The following RIPK1 variants were observed in gnomAD, a reference collection of about 807,000 sequenced individuals.
RIPK1 encodes the protein receptor-interacting serine/threonine-protein kinase 1.
A neutral mutation model predicts 62.4 loss-of-function variants in RIPK1; 27 were observed. The observed-to-expected ratio is 0.43, with a 90% CI of 0.32 to 0.60. The LOEUF is 0.60. RIPK1 is among the 20% of genes least tolerant of loss of function. The pLI, the probability that RIPK1 is intolerant of heterozygous loss-of-function variation, is 0.07. For missense variants in RIPK1, 735 were observed against 831.0 expected, an observed-to-expected ratio of 0.88 and a Z score of 1.42; for synonymous variants, 287 against 303.2, an observed-to-expected ratio of 0.95 and a Z score of 0.55.
At chr6:3,082,964 C>G (rs572371230) in intron 4 of RIPK1, 121 bp from the exon 5 acceptor site, 1 of 893,728 alleles carries the variant, frequency 1.1e-6, no homozygotes, top group East Asian at 2.4e-5. Context: ...CTGCCCAGTG[C>G]AACCATTTCT....
rs371760083 is a variant in RIPK1 at position 3,105,523 on chromosome 6, G to T, written c.1048G>T (p.Gly350Trp). Residue 350 changes from glycine to tryptophan, a missense_variant, in exon 9 of 11, where the codon GGG becomes TGG. Transcript: ENST00000259808. This position sits in a 1 kb window ranked among gnomAD's most constrained non-coding sequence, Gnocchi z 4.5. ...TTCACTGCACAGTTCCCAGGGACTT[G>T]GGATGGGTCCTGTGGAGGAGTCCTG... is the stretch of plus-strand genomic sequence containing the variant. ...PGSLHSSQGL[G>W]MGPVEESWFA... 1.9e-6 allele frequency: 3 copies of T among 1,587,638 alleles called. No individual in the cohort carries two copies. In the African/African-American group the frequency reaches 4.1e-5, roughly 22 times the overall value.
At position 3,083,217 on chromosome 6, in the gene RIPK1, C is replaced by G. The variant is rs757632778; in HGVS notation, c.592C>G (p.Leu198Val). The G allele has an allele frequency of 6.2e-7, 1 of 1,614,026 alleles. No individual in the cohort carries two copies. The change falls in exon 5 of 11, where the codon CTG (leucine) becomes GTG (valine). Residue 198 changes from leucine to valine, a missense_variant. Leu to Val is a conservative substitution (Grantham distance 32). Transcript: ENST00000259808. ...GTLYYMAPEHLNDVNAKPTEK... is the reference protein window; with the variant it reads ...GTLYYMAPEHVNDVNAKPTEK... ...CCTCTACTACATGGCGCCCGAGCAC[C>G]TGAATGACGTCAACGCAAAGCCCAC... is the stretch of plus-strand genomic sequence containing the variant.
At chr6:3,077,520 A>T (rs1759136748) in intron 2 of RIPK1, among the ~76,000 whole-genome samples, 1 of 150,378 alleles carries the variant, frequency 6.6e-6, no homozygotes, top group Non-Finnish European at 1.5e-5. Context: ...GCTGCTGTTC[A>T]TGTACTTTTC....
At chr6:3,073,692 G>GT (rs1305347312) in intron 1 of RIPK1, among the ~76,000 whole-genome samples, 1 of 152,134 alleles carries the variant, frequency 6.6e-6, no homozygotes, top group Non-Finnish European at 1.5e-5. Context: ...GACAGAGCTG[G>GT]CCCCAGCCTT....
chr6:3,099,311 G>A (rs1760479443), intron 7 of RIPK1, among the ~76,000 whole-genome samples: 2 of 152,326 alleles, frequency 1.3e-5, no homozygotes, highest in African/African-American at 2.4e-5. Flanking sequence ...TTGGGAGGCC[G>A]AGGCTGGTGG....
intron 10 of RIPK1, among the ~76,000 whole-genome samples, chr6:3,112,700 A>T (rs947647440): frequency 6.6e-6 from 1 of 152,174 alleles, no homozygotes; most frequent in Admixed American, 6.5e-5. Context: ...CCAGCTAATT[A>T]AAAAAAATTT....
intron 8 of RIPK1, among the ~76,000 whole-genome samples, chr6:3,104,896 G>A (rs1028628093): frequency 5.3e-5 from 8 of 151,884 alleles, no homozygotes; most frequent in African/African-American, 9.7e-5. Context: ...CTGTCACCCC[G>A]GCTGGAGTGC....
upstream of RIPK1, among the ~76,000 whole-genome samples, chr6:3,065,321 G>A (rs1448112705): frequency 2.7e-5 from 4 of 150,798 alleles, no homozygotes; most frequent in Admixed American, 2.6e-4. Flanking sequence ...CCGTGCGGCT[G>A]TGGCGGGGGT....
chr6:3,073,781 T>C (rs957203980), intron 1 of RIPK1, among the ~76,000 whole-genome samples: 1 of 152,200 alleles, frequency 6.6e-6, no homozygotes, highest in African/African-American at 2.4e-5. Flanking sequence ...CCTAGGAGTT[T>C]CCAGAGTCCC....
rs1761308489 is a variant in RIPK1, at chr6:3,114,386, T to A, written c.*1047T>A. 1 of 152,196 alleles carries A rather than the reference T, an allele frequency of 6.6e-6. No homozygotes were observed. Among genetic ancestry groups the A allele is most frequent in the African/African-American group, 2.4e-5 (1 of 41,428 alleles). 9.4% of individuals were successfully genotyped at this position (152,196 alleles called of 1,614,324 possible). The stretch of plus-strand genomic sequence containing the variant: ...GAAAAAGGACAGCTTCTGAGTGTGG[T>A]AATTGTGCCTCTAGCACCCAGCCTT... On this transcript the variant is annotated 3_prime_UTR_variant, in exon 11 of 11. Transcript: ENST00000259808. This position sits in a 1 kb window ranked among gnomAD's most constrained non-coding sequence, Gnocchi z 5.0.
In RIPK1 at chr6:3,077,885, G is replaced by A; in HGVS notation, c.271G>A (p.Val91Met). The A allele has an allele frequency of 1.2e-6, 2 of 1,614,092 alleles. No individual in the cohort carries two copies. Among genetic ancestry groups the A allele is most frequent in the Non-Finnish European group, 8.5e-7 (1 of 1,179,906 alleles). ...CATAGAGGAAGGGAAGTACTCCCTG[G>A]TGATGGAGTACATGGAGAAGGGCAA... is the stretch of plus-strand genomic sequence containing the variant. ...VIIEEGKYSLVMEYMEKGNLM... is the reference protein window; with the variant it reads ...VIIEEGKYSLMMEYMEKGNLM... Residue 91 changes from valine to methionine, a missense_variant, in exon 3 of 11, where the codon GTG becomes ATG. By Grantham distance (21) the Val-to-Met change is conservative. Transcript: ENST00000259808.
chr6:3,068,270 T>C, upstream of RIPK1: 2 of 985,586 alleles, frequency 2.0e-6, no homozygotes, highest in Non-Finnish European at 2.4e-6. Context: ...ATCCACCCAG[T>C]GCTTCCCTCC....
At chr6:3,086,953 A>G (rs1294936124) in intron 6 of RIPK1, among the ~76,000 whole-genome samples, 5 of 152,232 alleles carry the variant, frequency 3.3e-5, no homozygotes, top group Non-Finnish European at 7.3e-5. Context: ...AGACACTCTT[A>G]GAAGACTCCA....
At chr6:3,088,864 G>C (rs1008749236) in intron 6 of RIPK1, 2 of 152,278 alleles carry the variant, frequency 1.3e-5, no homozygotes, top group Admixed American at 1.3e-4. Context: ...TCTTTGGCTA[G>C]AAAGAGCAGG....
intron 1 of RIPK1, among the ~76,000 whole-genome samples, chr6:3,073,296 G>A (rs969514659): frequency 1.5e-4 from 23 of 150,544 alleles, no homozygotes; most frequent in Middle Eastern, 3.5e-3. Flanking sequence ...ATATTTATAC[G>A]TATACATACA....
intron 3 of RIPK1, among the ~76,000 whole-genome samples, chr6:3,079,952 G>C (rs1303358501): frequency 1.3e-5 from 2 of 152,348 alleles, no homozygotes; most frequent in Admixed American, 1.3e-4. Flanking sequence ...AGGTGCACCT[G>C]TTTGGACTCA....
intron 2 of RIPK1, among the ~76,000 whole-genome samples, chr6:3,077,255 G>A (rs1410714979): frequency 6.6e-6 from 1 of 152,126 alleles, no homozygotes; most frequent in Non-Finnish European, 1.5e-5. Context: ...AGTGTGGTGG[G>A]GGGACAATGA....
chr6:3,104,834 G>A (rs192244891), intron 8 of RIPK1, among the ~76,000 whole-genome samples: 1 of 151,948 alleles, frequency 6.6e-6, no homozygotes, highest in Admixed American at 6.5e-5. Flanking sequence ...AGAATTCATG[G>A]GACATGCTTA....
upstream of RIPK1, chr6:3,064,083 C>G (rs565242837): frequency 6.6e-6 from 1 of 152,454 alleles, no homozygotes; most frequent in East Asian, 1.9e-4. Flanking sequence ...CGCGCACGGC[C>G]GGGGTGGAGC....
Sources: gnomAD v4.1 joint callset for allele counts (sites outside exome capture counted in the v4.1 genomes callset) on GRCh38, gnomAD v4.1.1 for gene constraint, Gnocchi (gnomAD v3.1) non-coding constraint, MANE v1.5 for transcripts, NCBI Gene and HGNC (gene_info 2026-07-23, HGNC 2026-07-21) for gene names.